GRM3: variants seen among roughly 807,000 people sequenced by gnomAD.
GRM3 encodes the protein glutamate metabotropic receptor 3, also known as metabotropic glutamate receptor 3.
GRM3 carries 26 observed loss-of-function variants against 70.5 expected under a neutral mutation model. The observed-to-expected ratio is 0.37, with a 90% CI of 0.27 to 0.51. The LOEUF (loss-of-function observed/expected upper bound fraction) is 0.51, where lower values mean the gene tolerates loss of function less well. Ranked by LOEUF, GRM3 falls within the 20% of genes least tolerant of loss-of-function variation. The pLI is 0.93. For synonymous variants in GRM3, 443 were observed against 434.9 expected, an observed-to-expected ratio of 1.02 and a Z score of -0.23; for missense variants, 859 against 1,123.8, an observed-to-expected ratio of 0.76 and a Z score of 3.37.
chr7:86,693,710 AAG>A (rs1490486367), intron 1 of GRM3, among the ~76,000 whole-genome samples: 1 of 152,046 alleles, frequency 6.6e-6, no homozygotes, highest in Non-Finnish European at 1.5e-5. Flanking sequence ...CTCGAAAAGA[AAG>A]AGTCCAAAAA....
rs148794978 is a variant in GRM3 at position 86,851,023 on chromosome 7, A to T, written c.2566+479A>T. ...TAAAAGGGGAAGATAATAAAATACA[A>T]TGAAAAGTGCTACATTCCTAATTCC... On this transcript the variant is annotated intron_variant, in intron 5 of 5. Transcript: ENST00000361669. 1.1e-4 allele frequency among the ~76,000 whole-genome samples: 16 copies of T among 152,272 alleles called. 1 individual carries two copies. Among genetic ancestry groups the T allele is most frequent in the African/African-American group, 3.4e-4 (14 of 41,554 alleles).
At position 86,786,663 on chromosome 7, in the gene GRM3, G is replaced by T. The variant is rs757956757; in HGVS notation, c.871G>T (p.Ala291Ser). ...SRELIAAASR[A>S]NASFTWVASD... ...GGAGCTCATTGCAGCCGCCAGCCGC[G>T]CCAATGCCTCCTTCACCTGGGTGGC... The change falls in exon 3 of 6, where the codon GCC (alanine) becomes TCC (serine). Residue 291 changes from alanine (A) to serine (S), a missense_variant. Coordinates refer to ENST00000361669, the MANE Select transcript of GRM3 (RefSeq NM_000840.3). The surrounding 1 kb of genome is among the most constrained non-coding windows in gnomAD (Gnocchi z 6.0). 2 of 1,611,728 alleles carry T rather than the reference G, an allele frequency of 1.2e-6. No individual in the cohort carries two copies. The highest frequency in any genetic ancestry group is 2.2e-5 in the East Asian group (1 of 44,882).
intron 1 of GRM3, among the ~76,000 whole-genome samples, chr7:86,660,678 T>C (rs1045896568): frequency 1.3e-5 from 2 of 151,902 alleles, no homozygotes; most frequent in Admixed American, 1.3e-4. Flanking sequence ...CTATTTTGAA[T>C]ATCAACTAGG....
At chr7:86,825,511 G>A (rs1012573312) in intron 3 of GRM3, among the ~76,000 whole-genome samples, 1 of 152,186 alleles carries the variant, frequency 6.6e-6, no homozygotes, top group Non-Finnish European at 1.5e-5. Flanking sequence ...AGACCAGCAC[G>A]CTGGCAGGAG....
intron 3 of GRM3, among the ~76,000 whole-genome samples, chr7:86,828,485 C>T (rs1798288821): frequency 6.6e-6 from 1 of 152,128 alleles, no homozygotes; most frequent in Non-Finnish European, 1.5e-5. Context: ...AAGCAAGTTA[C>T]ATAAGTTTTT....
intron 1 of GRM3, among the ~76,000 whole-genome samples, chr7:86,688,815 GATATATATAT>G (rs369715120): frequency 8.5e-5 from 12 of 141,638 alleles, no homozygotes; most frequent in Admixed American, 2.2e-4. Flanking sequence ...TCACACATAT[GATATATATAT>G]ATATATATGT....
chr7:86,823,145 G>T (rs1158516268), intron 3 of GRM3, among the ~76,000 whole-genome samples: 1 of 152,126 alleles, frequency 6.6e-6, no homozygotes, highest in Non-Finnish European at 1.5e-5. Flanking sequence ...ATAGCCCATA[G>T]AAATAATAAT....
At chr7:86,722,844 C>T (rs1795504057) in intron 1 of GRM3, among the ~76,000 whole-genome samples, 1 of 152,082 alleles carries the variant, frequency 6.6e-6, no homozygotes, top group Non-Finnish European at 1.5e-5. Flanking sequence ...TCCATCTATT[C>T]GGTCCTTTAT....
rs760754692 is a variant in GRM3, at chr7:86,839,733, C to G, written c.2219C>G (p.Ser740Cys). 1 of 1,614,128 alleles carries G rather than the reference C, an allele frequency of 6.2e-7. No homozygotes were observed. Among genetic ancestry groups the G allele is most frequent in the Non-Finnish European group, 8.5e-7 (1 of 1,179,986 alleles). ...GTCAAAGATTCCAGCATGTTGATCT[C>G]TCTTACCTACGATGTGATCCTGGTG... ...CNVKDSSMLISLTYDVILVIL... is the reference protein window; with the variant it reads ...CNVKDSSMLICLTYDVILVIL... The change falls in exon 4 of 6, where the codon TCT becomes TGT. Residue 740 changes from serine to cysteine, a missense_variant. Coordinates refer to ENST00000361669, the MANE Select transcript of GRM3 (RefSeq NM_000840.3). The surrounding 1 kb of genome is among the most constrained non-coding windows in gnomAD (Gnocchi z 4.5).
At chr7:86,687,474 C>A (rs1237699820) in intron 1 of GRM3, among the ~76,000 whole-genome samples, 1 of 139,044 alleles carries the variant, frequency 7.2e-6, no homozygotes, top group Non-Finnish European at 1.6e-5. Flanking sequence ...TACTTAGATT[C>A]CTGAAAGAAA....
At chr7:86,694,569 A>G (rs1794772259) in intron 1 of GRM3, among the ~76,000 whole-genome samples, 1 of 151,724 alleles carries the variant, frequency 6.6e-6, no homozygotes, top group African/African-American at 2.4e-5. Flanking sequence ...ATAAAAAAAG[A>G]AATCAAAGAA....
chr7:86,720,172 A>G (rs1795423028), intron 1 of GRM3, among the ~76,000 whole-genome samples: 1 of 152,030 alleles, frequency 6.6e-6, no homozygotes, highest in Non-Finnish European at 1.5e-5. Flanking sequence ...ATAAGTCAGA[A>G]AACAGATCAG....
At chr7:86,734,210 G>A (rs1030078191) in intron 1 of GRM3, among the ~76,000 whole-genome samples, 1 of 152,128 alleles carries the variant, frequency 6.6e-6, no homozygotes, top group Non-Finnish European at 1.5e-5. Context: ...AACTGTCCAA[G>A]ATTGAAAAAA....
intron 3 of GRM3, among the ~76,000 whole-genome samples, chr7:86,827,755 C>G (rs1584267614): frequency 6.6e-6 from 1 of 152,226 alleles, no homozygotes; most frequent in East Asian, 1.9e-4. Context: ...CTCAGGCGAT[C>G]CACCTCCCAA....
chr7:86,738,220 C>T (rs1450602780), intron 1 of GRM3, among the ~76,000 whole-genome samples: 2 of 152,120 alleles, frequency 1.3e-5, no homozygotes, highest in East Asian at 1.9e-4. Context: ...TTCCCCTCTT[C>T]GACTAACTCC....
At chr7:86,737,073 G>A (rs765554390) in intron 1 of GRM3, among the ~76,000 whole-genome samples, 4 of 151,926 alleles carry the variant, frequency 2.6e-5, no homozygotes, top group Non-Finnish European at 4.4e-5. Context: ...TGGTATGATC[G>A]CTTTATAAAT....
intron 2 of GRM3, 36 bp downstream of exon 2, chr7:86,765,649 T>G (rs1252981073): frequency 1.3e-6 from 2 of 1,574,012 alleles, no homozygotes; most frequent in Admixed American, 1.7e-5. Context: ...AAAGGCTGTA[T>G]CTCTTTGCTT....
intron 4 of GRM3, among the ~76,000 whole-genome samples, chr7:86,846,808 G>A (rs6947778): frequency 1.3e-5 from 2 of 152,054 alleles, no homozygotes; most frequent in Admixed American, 6.6e-5. Flanking sequence ...CCCCTGAAAC[G>A]CTCATATTTT....
chr7:86,692,633 G>A (rs1034896356), intron 1 of GRM3, among the ~76,000 whole-genome samples: 1 of 152,204 alleles, frequency 6.6e-6, no homozygotes, highest in African/African-American at 2.4e-5. Flanking sequence ...GTGTCTACTT[G>A]TTTTTATTGA....
Sources: allele counts gnomAD v4.1 joint callset (sites outside exome capture counted in the v4.1 genomes callset), GRCh38; gene constraint gnomAD v4.1.1; non-coding constraint Gnocchi (gnomAD v3.1); transcripts MANE v1.5; gene names NCBI Gene and HGNC (gene_info 2026-07-23, HGNC 2026-07-21).